Variants in DLGAP4 observed in about 807,000 individuals in gnomAD.
DLGAP4 encodes the protein DLG associated protein 4, also known as disks large-associated protein 4.
A neutral mutation model predicts 86.9 loss-of-function variants in DLGAP4; 18 were observed. That is an observed-to-expected ratio of 0.21 (90% CI 0.14 to 0.31). The LOEUF (loss-of-function observed/expected upper bound fraction) is 0.31, where lower values mean the gene tolerates loss of function less well. Among genes scored for constraint, DLGAP4 ranks in the 10% least tolerant of loss-of-function variants. The probability of loss-of-function intolerance (pLI) is 1.00; values close to 1 mark genes in which losing one functional copy is unlikely to be tolerated. For missense variants in DLGAP4, 1,085 were observed against 1,362.6 expected, an observed-to-expected ratio of 0.80 and a Z score of 3.21; for synonymous variants, 548 against 574.3, an observed-to-expected ratio of 0.95 and a Z score of 0.65.
intron 1 of DLGAP4, among the ~76,000 whole-genome samples, chr20:36,330,050 A>G (rs1555891379): frequency 6.6e-6 from 1 of 151,798 alleles, no homozygotes; most frequent in Admixed American, 6.6e-5. Context: ...AGACTGAAAG[A>G]CACACACCAT....
intron 1 of DLGAP4, among the ~76,000 whole-genome samples, chr20:36,341,885 C>T (rs1343335818): frequency 6.6e-6 from 1 of 152,252 alleles, no homozygotes; most frequent in Non-Finnish European, 1.5e-5. Flanking sequence ...GGCACCACCA[C>T]AGCCTCCCGC....
At chr20:36,449,640 T>C (rs2033684449) in intron 7 of DLGAP4, among the ~76,000 whole-genome samples, 1 of 152,148 alleles carries the variant, frequency 6.6e-6, no homozygotes, top group East Asian at 1.9e-4. Context: ...CTCACACCCA[T>C]GCGAAGTTCT....
chr20:36,453,150 C>T (rs1464481919), intron 7 of DLGAP4, among the ~76,000 whole-genome samples: 1 of 152,078 alleles, frequency 6.6e-6, no homozygotes, highest in Non-Finnish European at 1.5e-5. Flanking sequence ...CTTGTAAGTC[C>T]TTAACAAATG....
intron 7 of DLGAP4, among the ~76,000 whole-genome samples, chr20:36,463,643 A>G (rs1455745848): frequency 2.0e-5 from 3 of 152,222 alleles, no homozygotes; most frequent in Non-Finnish European, 4.4e-5. Flanking sequence ...GCAGGGGGAC[A>G]GTTGGATTTT....
chr20:36,324,901 A>G (rs1490538456), intron 1 of DLGAP4, among the ~76,000 whole-genome samples: 8 of 152,202 alleles, frequency 5.3e-5, no homozygotes, highest in East Asian at 3.9e-4. Context: ...TTTTTGAAGG[A>G]CAGCTTTTGG....
intron 2 of DLGAP4, among the ~76,000 whole-genome samples, chr20:36,375,414 C>A (rs1476794749): frequency 6.6e-6 from 1 of 152,200 alleles, no homozygotes. Flanking sequence ...CTTTATCATG[C>A]CCCATGGCCT....
intron 10 of DLGAP4, chr20:36,510,866 T>C (rs1183335956): frequency 6.6e-6 from 1 of 152,248 alleles, no homozygotes; most frequent in African/African-American, 2.4e-5. Context: ...TGTATTAATA[T>C]AACTTTCAAT....
At position 36,431,914 on chromosome 20, in the gene DLGAP4, C is replaced by T. The variant is rs769025357; in HGVS notation, c.197C>T (p.Pro66Leu). 1.1e-5 allele frequency: 17 copies of T among 1,614,074 alleles called. 1 individual carries two copies. In the East Asian group the frequency reaches 1.6e-4, roughly 15 times the overall value. The change falls in exon 3 of 13, where the codon CCG (proline) becomes CTG (leucine). Residue 66 changes from proline (P) to leucine (L), a missense_variant. Physicochemically the swap from Pro to Leu is moderately conservative, Grantham distance 98. Around this residue, in one of 2 missense-constraint regions of DLGAP4, gnomAD observed 1,082 missense variants for 1,344.1 expected, o/e 0.81. Transcript: ENST00000339266. The surrounding 1 kb of genome is among the most constrained non-coding windows in gnomAD (Gnocchi z 5.1). ...GLFPLNNQLPPPSSTFPRIHY... is the reference protein window; with the variant it reads ...GLFPLNNQLPLPSSTFPRIHY... ...TTTCCCCTCAACAACCAGCTGCCCC[C>T]GCCCAGCAGCACCTTTCCCCGCATC...
intron 2 of DLGAP4, among the ~76,000 whole-genome samples, chr20:36,399,571 G>C (rs1382915123): frequency 6.6e-6 from 1 of 152,194 alleles, no homozygotes; most frequent in South Asian, 2.1e-4. Flanking sequence ...GCCTTGAGCT[G>C]GGGAGGGGCA....
At chr20:36,348,957 G>T (rs1693185640) in intron 1 of DLGAP4, among the ~76,000 whole-genome samples, 1 of 151,354 alleles carries the variant, frequency 6.6e-6, no homozygotes, top group African/African-American at 2.4e-5. Context: ...AAAAAAATTA[G>T]CTGGGTGTGG....
At chr20:36,309,547 G>T (rs1286753929) in intron 1 of DLGAP4, among the ~76,000 whole-genome samples, 2 of 152,174 alleles carry the variant, frequency 1.3e-5, no homozygotes, top group Non-Finnish European at 2.9e-5. Context: ...CAGGATCTGT[G>T]GGAGTTACAG....
chr20:36,382,527 C>CTTTTT (rs749210064), intron 2 of DLGAP4, among the ~76,000 whole-genome samples: 15 of 110,470 alleles, frequency 1.4e-4, no homozygotes, highest in Non-Finnish European at 2.2e-4. Context: ...TTCTTTTTTT[C>CTTTTT]TTTTTTTTTT....
chr20:36,431,318 A>G lies in DLGAP4; in HGVS notation c.-72-328A>G, dbSNP rs2033124597. Among the ~76,000 whole-genome samples the G allele has an allele frequency of 6.6e-6, 1 of 152,100 alleles. No individual in the cohort carries two copies. The highest frequency in any genetic ancestry group is 2.4e-5 in the African/African-American group (1 of 41,426). ...AACGGAAAGAGAGTGGAGGATGGGCAGCCCCCCACCCATATTTCATCATGG... is the reference window on the plus strand; with the variant it reads ...AACGGAAAGAGAGTGGAGGATGGGCGGCCCCCCACCCATATTTCATCATGG... On this transcript the variant is annotated intron_variant, in intron 2 of 12. Coordinates refer to ENST00000339266, the MANE Select transcript of DLGAP4 (RefSeq NM_001365621.2). This position sits in a 1 kb window ranked among gnomAD's most constrained non-coding sequence, Gnocchi z 5.1.
chr20:36,384,643 T>G (rs2031530054), intron 2 of DLGAP4, among the ~76,000 whole-genome samples: 1 of 152,164 alleles, frequency 6.6e-6, no homozygotes. Context: ...CTTTGTAAAC[T>G]GATGCACAGA....
intron 7 of DLGAP4, among the ~76,000 whole-genome samples, chr20:36,463,668 A>G (rs981874507): frequency 6.6e-6 from 1 of 152,148 alleles, no homozygotes; most frequent in Non-Finnish European, 1.5e-5. Flanking sequence ...GTTCCATCCC[A>G]TTGTTGTTTA....
chr20:36,343,597 T>A (rs2065406374), intron 1 of DLGAP4, among the ~76,000 whole-genome samples: 2 of 151,808 alleles, frequency 1.3e-5, no homozygotes, highest in Non-Finnish European at 2.9e-5. Flanking sequence ...GGAAAAAAAA[T>A]GGATTTTTGA....
At chr20:36,417,827 C>G (rs1174361976) in intron 2 of DLGAP4, among the ~76,000 whole-genome samples, 1 of 151,810 alleles carries the variant, frequency 6.6e-6, no homozygotes, top group Non-Finnish European at 1.5e-5. Flanking sequence ...TGTTGTCACC[C>G]AGGTTGGAAT....
At chr20:36,417,223 G>A (rs1183457967) in intron 2 of DLGAP4, among the ~76,000 whole-genome samples, 1 of 152,208 alleles carries the variant, frequency 6.6e-6, no homozygotes, top group Non-Finnish European at 1.5e-5. Flanking sequence ...AATAGAGGCA[G>A]CCGAGTATGT....
chr20:36,364,849 C>CT (rs2030629468), intron 1 of DLGAP4, among the ~76,000 whole-genome samples: 1 of 152,108 alleles, frequency 6.6e-6, no homozygotes, highest in Non-Finnish European at 1.5e-5. Flanking sequence ...AATCCCAGAA[C>CT]TTTGAGAGGC....
Sources: gnomAD v4.1 joint callset for allele counts (sites outside exome capture counted in the v4.1 genomes callset) on GRCh38, gnomAD v4.1.1 for gene constraint, gnomAD v4.1.1 regional missense constraint, Gnocchi (gnomAD v3.1) non-coding constraint, MANE v1.5 for transcripts, NCBI Gene and HGNC (gene_info 2026-07-23, HGNC 2026-07-21) for gene names.